Variants in ZNF483 observed in about 807,000 individuals in gnomAD.
The protein encoded by ZNF483 is zinc finger protein HIT-10.
A neutral mutation model predicts 28.6 loss-of-function variants in ZNF483; 9 were observed. The observed-to-expected ratio is 0.32, with a 90% CI of 0.19 to 0.55. ZNF483 has a LOEUF of 0.55. Ranked by LOEUF, ZNF483 falls within the 20% of genes least tolerant of loss-of-function variation. ZNF483 has a pLI of 0.93. For missense variants in ZNF483, 675 were observed against 871.7 expected (o/e 0.77, Z 2.84); for synonymous variants, 322 against 306.2 (o/e 1.05, Z -0.54).
At chr9:111,561,402 A>T (rs1387840922) in intron 5 of ZNF483, among the ~76,000 whole-genome samples, 3 of 151,886 alleles carry the variant, frequency 2.0e-5, no homozygotes, top group African/African-American at 7.3e-5. Context: ...CAGCCTCCCA[A>T]GTAGCTGGGA....
rs1239609325 is a variant in ZNF483, at chr9:111,554,888, T to C, written c.*11718T>C. Among the ~76,000 whole-genome samples, 2 of 152,142 alleles carry C rather than the reference T, an allele frequency of 1.3e-5. No homozygotes were observed. Among genetic ancestry groups the C allele is most frequent in the African/African-American group, 4.8e-5 (2 of 41,438 alleles). On this transcript the variant is annotated 3_prime_UTR_variant, in exon 6 of 6. Coordinates refer to ENST00000309235, the MANE Select transcript of ZNF483 (RefSeq NM_133464.5). ...GTCTACAACTGAAGTCCAGGGTCTT[T>C]GAGTTAGATGCTTTGAGTGTGACCT... is the stretch of plus-strand genomic sequence containing the variant.
chr9:111,525,632 G>A (rs902550434), intron 1 of ZNF483, among the ~76,000 whole-genome samples: 2 of 152,134 alleles, frequency 1.3e-5, no homozygotes, highest in African/African-American at 4.8e-5. Flanking sequence ...TCCAGACATT[G>A]CCAGAGGACC....
At chr9:111,533,983 A>AT (rs1827412348) in intron 4 of ZNF483, 118 bp downstream of exon 4, 2 of 1,242,438 alleles carry the variant, frequency 1.6e-6, no homozygotes, top group South Asian at 2.7e-5. Context: ...CCAGGGACTG[A>AT]TAGGACTAAT....
rs375553476 is a variant in ZNF483, at chr9:111,553,135, A to G, written c.*9965A>G. Among the ~76,000 whole-genome samples the G allele has an allele frequency of 3.3e-5, 5 of 152,372 alleles. No homozygotes were observed. The highest frequency in any genetic ancestry group is 9.6e-5 in the African/African-American group (4 of 41,600). On this transcript the variant is annotated 3_prime_UTR_variant, in exon 6 of 6. Transcript: ENST00000309235. ...TACACTCACTAAATGGTTGCTAAAAATTACATGTCTTAAATATTGTCTTAA... is the reference window on the plus strand; with the variant it reads ...TACACTCACTAAATGGTTGCTAAAAGTTACATGTCTTAAATATTGTCTTAA...
Position 111,548,200 on chromosome 9 carries a change from G to A in ZNF483, c.*5030G>A, listed in dbSNP as rs998024755. On this transcript the variant is annotated 3_prime_UTR_variant, in exon 6 of 6. Coordinates refer to ENST00000309235, the MANE Select transcript of ZNF483 (RefSeq NM_133464.5). ...TTGTTTTTGTGGAAAATGGCATGAA[G>A]ATTGGGCTTGCATTGAATTTGTAGA... Among the ~76,000 whole-genome samples the A allele has an allele frequency of 6.6e-6, 1 of 152,158 alleles. No homozygotes were observed. Among genetic ancestry groups the A allele is most frequent in the Non-Finnish European group, 1.5e-5 (1 of 68,000 alleles).
chr9:111,525,442 C>A (rs1827161912), intron 1 of ZNF483, among the ~76,000 whole-genome samples, 180 bp downstream of exon 1: 1 of 152,194 alleles, frequency 6.6e-6, no homozygotes, highest in African/African-American at 2.4e-5. Flanking sequence ...TTCCCTCCAT[C>A]CCTCCCTGCG....
chr9:111,577,567 G>A (rs992597639), exon 6 of ZNF483: 5 of 152,184 alleles, frequency 3.3e-5, no homozygotes, highest in African/African-American at 1.2e-4. Flanking sequence ...CCATCAGGCT[G>A]GGTGTGGTGG....
Position 111,552,438 on chromosome 9 carries a change from AAT to A in ZNF483, c.*9270_*9271del. ...ATTTTCAGTATGTATCATGCAATAG[AAT>A]AGAGCAATGAGGGAAAAGTTATCCT... On this transcript the variant is annotated 3_prime_UTR_variant, in exon 6 of 6. Coordinates refer to ENST00000309235, the MANE Select transcript of ZNF483 (RefSeq NM_133464.5). Among the ~76,000 whole-genome samples the A allele has an allele frequency of 6.6e-6, 1 of 152,216 alleles. No individual in the cohort carries two copies. Among genetic ancestry groups the A allele is most frequent in the Non-Finnish European group, 1.5e-5 (1 of 68,024 alleles).
intron 5 of ZNF483, chr9:111,563,067 A>G: frequency 6.3e-7 from 1 of 1,594,454 alleles, no homozygotes. Flanking sequence ...TAAATGGTGA[A>G]AAACAAATTA....
chr9:111,528,882 A>C (rs1229665977), intron 2 of ZNF483, among the ~76,000 whole-genome samples: 2 of 152,264 alleles, frequency 1.3e-5, no homozygotes, highest in Non-Finnish European at 1.5e-5. Flanking sequence ...ACGGTGGCTC[A>C]CACCTGTAAT....
At chr9:111,572,369 C>T (rs1416417781) in intron 5 of ZNF483, among the ~76,000 whole-genome samples, 2 of 151,992 alleles carry the variant, frequency 1.3e-5, no homozygotes, top group African/African-American at 4.8e-5. Flanking sequence ...CTGAAGGGAG[C>T]AGATCACGAG....
downstream of ZNF483, among the ~76,000 whole-genome samples, chr9:111,557,447 T>C (rs1446679006): frequency 2.1e-5 from 3 of 145,524 alleles, no homozygotes; most frequent in African/African-American, 5.3e-5. Flanking sequence ...CATTATCTTT[T>C]TTTTGCTTTT....
chr9:111,527,312 C>G lies in ZNF483; in HGVS notation c.-84C>G. The G allele has an allele frequency of 7.0e-7, 1 of 1,419,356 alleles. No individual in the cohort carries two copies. 87.9% of individuals were successfully genotyped at this position (1,419,356 alleles called of 1,614,324 possible). ...TGGATTCCTGGAACCTTTGATATTC[C>G]TGGCTGTGTATAGTGCCTGTTGGTG... is the stretch of plus-strand genomic sequence containing the variant. On this transcript the variant is annotated 5_prime_UTR_variant, in exon 2 of 6. Coordinates refer to ENST00000309235, the MANE Select transcript of ZNF483 (RefSeq NM_133464.5).
At chr9:111,539,130 A>G (rs990794341) in intron 5 of ZNF483, among the ~76,000 whole-genome samples, 1 of 150,740 alleles carries the variant, frequency 6.6e-6, no homozygotes, top group African/African-American at 2.5e-5. Context: ...AAAAAAAAAA[A>G]AAAAAAAACC....
chr9:111,531,018 C>T (rs987174891), intron 3 of ZNF483, 55 bp downstream of exon 3: 2 of 857,378 alleles, frequency 2.3e-6, no homozygotes, highest in Admixed American at 4.1e-5. Context: ...TGAGCTCCTA[C>T]TGAGTGGTAT....
At chr9:111,567,969 T>C (rs1361483493) in intron 5 of ZNF483, among the ~76,000 whole-genome samples, 3 of 152,230 alleles carry the variant, frequency 2.0e-5, no homozygotes, top group Non-Finnish European at 4.4e-5. Context: ...CCTGTTATCT[T>C]TGTAAGCTGA....
chr9:111,566,050 A>G (rs1184386884), intron 5 of ZNF483, among the ~76,000 whole-genome samples: 1 of 151,982 alleles, frequency 6.6e-6, no homozygotes, highest in East Asian at 1.9e-4. Flanking sequence ...CATCTCTACT[A>G]AAAATAGCCG....
At chr9:111,561,104 T>TAGAGAGAGAGAGAGAGAG (rs1465441902) in intron 5 of ZNF483, among the ~76,000 whole-genome samples, 1 of 26,384 alleles carries the variant, frequency 3.8e-5, no homozygotes, top group Non-Finnish European at 6.9e-5. Flanking sequence ...TATATATATA[T>TAGAGAGAGAGAGAGAGAG]ATATATAGAG....
In ZNF483 at chr9:111,544,157, G is replaced by A. The variant is rs1827747044; in HGVS notation, c.*987G>A. 2.0e-6 allele frequency: 2 copies of A among 985,458 alleles called. No homozygotes were observed. Among genetic ancestry groups the A allele is most frequent in the South Asian group, 9.4e-5 (2 of 21,286 alleles). The allele number at this position is 985,458 out of a possible 1,614,324, so 61.0% of individuals were successfully genotyped here. ...TCAGCCGTGAGAGTAACAGTCCTAG[G>A]AAAATAGATGGGGGCTGGGGGTAAG... On this transcript the variant is annotated 3_prime_UTR_variant, in exon 6 of 6. Coordinates refer to ENST00000309235, the MANE Select transcript of ZNF483 (RefSeq NM_133464.5).
Sources: gnomAD v4.1 joint callset for allele counts (sites outside exome capture counted in the v4.1 genomes callset) on GRCh38, gnomAD v4.1.1 for gene constraint, MANE v1.5 for transcripts, NCBI Gene and HGNC (gene_info 2026-07-23, HGNC 2026-07-21) for gene names.